The following SDK1 variants were observed in gnomAD, a reference collection of about 807,000 sequenced individuals.
The protein encoded by SDK1 is sidekick cell adhesion molecule 1.
In SDK1, 157 loss-of-function variants were observed where a neutral mutation model predicts 245.5. That is an observed-to-expected ratio of 0.64 (90% confidence interval 0.56 to 0.73). The LOEUF (loss-of-function observed/expected upper bound fraction) is 0.73, where lower values mean the gene tolerates loss of function less well. SDK1 is among the 30% of genes least tolerant of loss of function. The pLI is 0.00. For synonymous variants in SDK1, 1,647 were observed against 1,278.5 expected (o/e 1.29, Z -6.15); for missense variants, 3,583 against 3,002.3 (o/e 1.19, Z -4.52).
chr7:3,690,456 T>C (rs550084282), intron 4 of SDK1, among the ~76,000 whole-genome samples: 1 of 152,338 alleles, frequency 6.6e-6, no homozygotes, highest in South Asian at 2.1e-4. Context: ...AATCCTTACA[T>C]TGTTTCTCTT....
intron 2 of SDK1, among the ~76,000 whole-genome samples, chr7:3,632,545 G>A (rs896978236): frequency 6.3e-5 from 9 of 142,316 alleles, no homozygotes; most frequent in Non-Finnish European, 1.1e-4. Context: ...CAGTGCTACA[G>A]ATTCCATAGA....
intron 4 of SDK1, among the ~76,000 whole-genome samples, chr7:3,761,928 A>G (rs1780117408): frequency 6.6e-6 from 1 of 152,228 alleles, no homozygotes; most frequent in Non-Finnish European, 1.5e-5. Context: ...GCCTTAGGCA[A>G]GAATAAGCAA....
chr7:3,612,343 A>G (rs574071029), intron 1 of SDK1, among the ~76,000 whole-genome samples: 1 of 152,336 alleles, frequency 6.6e-6, no homozygotes, highest in Admixed American at 6.5e-5. Flanking sequence ...CTAGTTATCT[A>G]TTTAAACCTC....
intron 1 of SDK1, among the ~76,000 whole-genome samples, chr7:3,462,456 AT>A (rs1780863132): frequency 6.6e-6 from 1 of 152,134 alleles, no homozygotes; most frequent in African/African-American, 2.4e-5. Flanking sequence ...TTCCTAAGCT[AT>A]TTCATTCATG....
Position 3,984,527 on chromosome 7 carries a change from G to C in SDK1, c.1995-2659G>C, listed in dbSNP as rs570626474. Among the ~76,000 whole-genome samples, 23 of 152,186 alleles carry C rather than the reference G, an allele frequency of 1.5e-4. 1 individual carries two copies. The highest frequency in any genetic ancestry group is 1.2e-4 in the Non-Finnish European group (8 of 68,028). ...TGTGCAGAGACACAGCAGCTTGTCA[G>C]GGGCCACAGGTCACCCATTTCTGTT... On this transcript the variant is annotated intron_variant, in intron 13 of 44. Coordinates refer to ENST00000404826, the MANE Select transcript of SDK1 (RefSeq NM_152744.4).
At chr7:4,108,785 A>G (rs1159026878) in intron 22 of SDK1, among the ~76,000 whole-genome samples, 1 of 152,164 alleles carries the variant, frequency 6.6e-6, no homozygotes, top group Non-Finnish European at 1.5e-5. Flanking sequence ...AAACATTTTT[A>G]TCATGCCACA....
intron 1 of SDK1, among the ~76,000 whole-genome samples, chr7:3,384,598 T>TC (rs35568046): frequency 0.47 from 71,928 of 152,040 alleles, 18,788 homozygotes; most frequent in East Asian, 0.61. Context: ...CCCTCGAACA[T>TC]CGAAGGACTT....
chr7:3,432,927 T>C (rs1397624498), intron 1 of SDK1, among the ~76,000 whole-genome samples: 1 of 152,242 alleles, frequency 6.6e-6, no homozygotes, highest in African/African-American at 2.4e-5. Context: ...ATTCATAGCA[T>C]GTTATTACTA....
intron 4 of SDK1, among the ~76,000 whole-genome samples, chr7:3,787,570 G>A (rs1206299800): frequency 6.6e-6 from 1 of 152,102 alleles, no homozygotes; most frequent in East Asian, 1.9e-4. Context: ...CAATTTCTGT[G>A]TCTAAGTGAT....
intron 1 of SDK1, among the ~76,000 whole-genome samples, chr7:3,479,409 G>A (rs1286218606): frequency 8.7e-6 from 1 of 114,870 alleles, no homozygotes; most frequent in Non-Finnish European, 1.7e-5. Flanking sequence ...GTGACAGGGT[G>A]AGACTGTGTC....
In SDK1 at chr7:3,665,453, G is replaced by T. The variant is rs140627150; in HGVS notation, c.713+23348G>T. Among the ~76,000 whole-genome samples the T allele has an allele frequency of 3.8e-3, 538 of 140,280 alleles. 5 individuals are homozygous for T. The highest frequency in any genetic ancestry group is 0.012 in the African/African-American group (487 of 41,028). 92.0% of individuals were successfully genotyped at this position (140,280 alleles called of 152,430 possible). A position where few individuals can be genotyped will look rare whatever the true frequency, so the allele number is the denominator to read the frequency against. On this transcript the variant is annotated intron_variant, in intron 4 of 44. Transcript: ENST00000404826. ...CACATTTTGCAATTCTTTGAGGGTAGGGATTGATTTTTGTTCACCTTTGCA... is the reference window on the plus strand; with the variant it reads ...CACATTTTGCAATTCTTTGAGGGTATGGATTGATTTTTGTTCACCTTTGCA...
chr7:4,164,906 T>G lies in SDK1; in HGVS notation c.4800+3050T>G, dbSNP rs148916010. ...TACAACGTCCTGTAGAAATAAATGC[T>G]TGTCAACTGCCAGGCAATTGAAGTA... is the stretch of plus-strand genomic sequence containing the variant. On this transcript the variant is annotated intron_variant, in intron 32 of 44. Coordinates refer to ENST00000404826, the MANE Select transcript of SDK1 (RefSeq NM_152744.4). Among the ~76,000 whole-genome samples, 928 of 152,352 alleles carry G rather than the reference T, an allele frequency of 6.1e-3. 10 individuals are homozygous for G. The highest frequency in any genetic ancestry group is 0.021 in the African/African-American group (878 of 41,578).
At chr7:3,403,864 T>TAAA (rs1778975002) in intron 1 of SDK1, among the ~76,000 whole-genome samples, 1 of 116,386 alleles carries the variant, frequency 8.6e-6, no homozygotes, top group Non-Finnish European at 1.8e-5. Flanking sequence ...TATATATATA[T>TAAA]ATATAATATA....
chr7:3,530,957 A>G (rs1329280393), intron 1 of SDK1, among the ~76,000 whole-genome samples: 2 of 152,194 alleles, frequency 1.3e-5, no homozygotes, highest in African/African-American at 4.8e-5. Flanking sequence ...CGTATAGTTG[A>G]TAACGTCTGT....
chr7:3,519,774 T>C (rs905746227), intron 1 of SDK1, among the ~76,000 whole-genome samples: 8 of 152,152 alleles, frequency 5.3e-5, no homozygotes, highest in African/African-American at 1.9e-4. Context: ...ACTCATATAA[T>C]AGAATTCTAT....
chr7:3,597,605 T>G (rs1486418765), intron 1 of SDK1, among the ~76,000 whole-genome samples: 1 of 152,214 alleles, frequency 6.6e-6, no homozygotes, highest in African/African-American at 2.4e-5. Flanking sequence ...GTTTTGAGAT[T>G]GATCTGTTTC....
At chr7:3,580,925 C>T (rs926481191) in intron 1 of SDK1, among the ~76,000 whole-genome samples, 1 of 137,128 alleles carries the variant, frequency 7.3e-6, no homozygotes, top group African/African-American at 2.7e-5. Flanking sequence ...GCCGAGATTG[C>T]ACCACCACAT....
At chr7:3,909,808 C>T (rs1277946042) in intron 5 of SDK1, among the ~76,000 whole-genome samples, 2 of 152,172 alleles carry the variant, frequency 1.3e-5, no homozygotes, top group Admixed American at 6.5e-5. Flanking sequence ...TTGCCTAAAG[C>T]GAGGCACCTC....
At chr7:3,714,529 C>T (rs1785144714) in intron 4 of SDK1, among the ~76,000 whole-genome samples, 1 of 152,146 alleles carries the variant, frequency 6.6e-6, no homozygotes, top group African/African-American at 2.4e-5. Flanking sequence ...CCTTTAAGTG[C>T]TTTGCATTTT....
Sources: gnomAD v4.1 joint callset for allele counts (sites outside exome capture counted in the v4.1 genomes callset) on GRCh38, gnomAD v4.1.1 for gene constraint, MANE v1.5 for transcripts, NCBI Gene and HGNC (gene_info 2026-07-23, HGNC 2026-07-21) for gene names.